The following TOGARAM1 variants were observed in gnomAD, a reference collection of about 807,000 sequenced individuals.
TOGARAM1 encodes TOG array regulator of axonemal microtubules protein 1.
TOGARAM1 carries 100 observed loss-of-function variants against 166.6 expected under a neutral mutation model. The observed-to-expected ratio is 0.60, with a 90% CI of 0.51 to 0.71. The LOEUF (loss-of-function observed/expected upper bound fraction) is 0.71, where lower values mean the gene tolerates loss of function less well. TOGARAM1 is among the 30% of genes least tolerant of loss of function. TOGARAM1 has a pLI of 0.00. For synonymous variants in TOGARAM1, 758 were observed against 763.8 expected, an observed-to-expected ratio of 0.99 and a Z score of 0.13; for missense variants, 2,029 against 2,102.7, an observed-to-expected ratio of 0.96 and a Z score of 0.69.
intron 4 of TOGARAM1, 115 bp from the exon 5 acceptor site, chr14:45,005,893 C>G (rs1371478606): frequency 1.3e-6 from 1 of 785,056 alleles, no homozygotes; most frequent in Non-Finnish European, 1.9e-6. Flanking sequence ...CCCCAGTGAC[C>G]AGCTATAATG....
chr14:45,047,104 G>T (rs1460181959), intron 14 of TOGARAM1, among the ~76,000 whole-genome samples: 4 of 152,114 alleles, frequency 2.6e-5, no homozygotes, highest in East Asian at 1.9e-4. Context: ...AAAAATACAG[G>T]AATAAGGCGG....
chr14:44,971,080 G>A (rs990614288), intron 1 of TOGARAM1, among the ~76,000 whole-genome samples: 1 of 152,032 alleles, frequency 6.6e-6, no homozygotes, highest in Non-Finnish European at 1.5e-5. Flanking sequence ...TTTAGAATGA[G>A]TCAGAAAGTA....
chr14:45,012,399 G>A (rs531706859), intron 7 of TOGARAM1, among the ~76,000 whole-genome samples: 2 of 152,264 alleles, frequency 1.3e-5, no homozygotes, highest in African/African-American at 4.8e-5. Context: ...CTCCTCAGAT[G>A]ATTCTAATGT....
intron 18 of TOGARAM1, among the ~76,000 whole-genome samples, chr14:45,069,578 G>A (rs992584030): frequency 6.6e-6 from 1 of 152,146 alleles, no homozygotes; most frequent in South Asian, 2.1e-4. Context: ...TGGCAAATAA[G>A]GGAGGATGTG....
chr14:45,017,860 G>T (rs1185030495), intron 7 of TOGARAM1, among the ~76,000 whole-genome samples: 2 of 143,608 alleles, frequency 1.4e-5, no homozygotes, highest in Non-Finnish European at 3.0e-5. Flanking sequence ...ACTCCTGGGT[G>T]ACAAGTGAAA....
chr14:45,031,485 C>T (rs1049439334), intron 10 of TOGARAM1, among the ~76,000 whole-genome samples: 5 of 152,114 alleles, frequency 3.3e-5, no homozygotes, highest in East Asian at 1.9e-4. Context: ...AATTCTATAT[C>T]GATAGAGAAA....
rs776212100 is a variant in TOGARAM1 at position 45,004,044 on chromosome 14, C to G, written c.2339-17C>G. The G allele has an allele frequency of 6.3e-7, 1 of 1,590,328 alleles. No individual in the cohort carries two copies. Among genetic ancestry groups the G allele is most frequent in the South Asian group, 1.1e-5 (1 of 88,132 alleles). ...TGTGTATACATAAATAATATATTAT[C>G]TTTTGTTTTATTACAGTGTATGCTA... On this transcript the variant is annotated splice_polypyrimidine_tract_variant and intron_variant, in intron 3 of 19. Coordinates refer to ENST00000361462, the MANE Select transcript of TOGARAM1 (RefSeq NM_001308120.2).
chr14:45,069,713 A>G (rs1883293882), intron 18 of TOGARAM1, among the ~76,000 whole-genome samples: 1 of 152,206 alleles, frequency 6.6e-6, no homozygotes, highest in Non-Finnish European at 1.5e-5. Flanking sequence ...AATAGTGACA[A>G]TACAAAATGC....
chr14:45,063,730 G>A (rs572542453), intron 16 of TOGARAM1, among the ~76,000 whole-genome samples: 33 of 152,058 alleles, frequency 2.2e-4, no homozygotes, highest in Non-Finnish European at 4.0e-4. Flanking sequence ...CACCCACCTC[G>A]GCCTCCCAAA....
At position 44,962,229 on chromosome 14, in the gene TOGARAM1, T is replaced by C. The variant is rs1594592594; in HGVS notation, c.-193T>C. 62 of 582,356 alleles carry C rather than the reference T, an allele frequency of 1.1e-4. No individual in the cohort carries two copies. The East Asian group carries it at 1.9e-3, about 17-fold the overall frequency. 36.1% of individuals were successfully genotyped at this position (582,356 alleles called of 1,614,324 possible). On this transcript the variant is annotated 5_prime_UTR_variant, in exon 1 of 20. Transcript: ENST00000361462. ...GTTACGCCCGGTGGCAGCTGTGGGG[T>C]CTAGGGCTCAGACGGGGGCCATTTT...
chr14:45,013,796 A>T (rs187274450), intron 7 of TOGARAM1, among the ~76,000 whole-genome samples: 1 of 152,290 alleles, frequency 6.6e-6, no homozygotes, highest in Non-Finnish European at 1.5e-5. Flanking sequence ...TAATTTTTCA[A>T]GTATTTCTGT....
Position 44,962,813 on chromosome 14 carries a change from G to A in TOGARAM1, c.392G>A (p.Arg131Gln). The A allele has an allele frequency of 6.2e-7, 1 of 1,612,668 alleles. No homozygotes were observed. Among genetic ancestry groups the A allele is most frequent in the Non-Finnish European group, 8.5e-7 (1 of 1,179,994 alleles). Reference protein sequence around the residue: ...PRRGGRLGFPRRKEALYRALG... With the variant: ...PRRGGRLGFPQRKEALYRALG... ...CGGGGCGGTCGACTTGGCTTCCCCC[G>A]ACGCAAGGAAGCTTTGTATCGGGCA... The change falls in exon 1 of 20, where the codon CGA becomes CAA. Residue 131 changes from arginine to glutamine, a missense_variant. Physicochemically the swap from Arg to Gln is conservative, Grantham distance 43. Coordinates refer to ENST00000361462, the MANE Select transcript of TOGARAM1 (RefSeq NM_001308120.2).
rs764620129 is a variant in TOGARAM1, at chr14:44,962,572, C to T, written c.151C>T (p.Arg51Cys). The change falls in exon 1 of 20, where the codon CGT becomes TGT. Residue 51 changes from arginine to cysteine, a missense_variant. Physicochemically the swap from Arg to Cys is radical, Grantham distance 180 (BLOSUM62 -3). This residue lies in a region of TOGARAM1 where 1,453 missense variants were observed against 1,432.2 expected (regional missense o/e 1.01). Transcript: ENST00000361462. ...IMRGEKNYYF[R>C]GAAGDHGSCP... ...GAGAGGAGAGAAAAACTACTACTTC[C>T]GTGGAGCTGCGGGGGACCACGGTTC... The T allele has an allele frequency of 2.8e-5, 45 of 1,613,818 alleles. No individual in the cohort carries two copies. Among genetic ancestry groups the T allele is most frequent in the South Asian group, 2.4e-4 (22 of 91,050 alleles).
intron 2 of TOGARAM1, among the ~76,000 whole-genome samples, chr14:44,998,930 G>T (rs951036614): frequency 6.6e-6 from 1 of 152,124 alleles, no homozygotes; most frequent in Non-Finnish European, 1.5e-5. Flanking sequence ...AAATAAAAGA[G>T]GTTGCAGCGG....
At chr14:45,067,153 T>C (rs1883175660) in intron 17 of TOGARAM1, among the ~76,000 whole-genome samples, 1 of 151,942 alleles carries the variant, frequency 6.6e-6, no homozygotes, top group South Asian at 2.1e-4. Context: ...ATTTTCTAGG[T>C]TTTTCTAGGT....
intron 11 of TOGARAM1, among the ~76,000 whole-genome samples, chr14:45,034,850 C>G (rs1881342650): frequency 6.6e-6 from 1 of 151,946 alleles, no homozygotes; most frequent in Admixed American, 6.6e-5. Context: ...TGCAGAGAAG[C>G]AGGAAAATAT....
chr14:45,004,509 AGT>A (rs1887855270), intron 4 of TOGARAM1, 143 bp downstream of exon 4: 3 of 644,940 alleles, frequency 4.7e-6, no homozygotes, highest in Admixed American at 3.0e-5. Context: ...AATATTTAAT[AGT>A]GTGTTAAATA....
In TOGARAM1 at chr14:44,963,062, T is replaced by A. The variant is rs1400411067; in HGVS notation, c.641T>A (p.Val214Glu). 6.2e-7 allele frequency: 1 copy of A among 1,613,902 alleles called. No individual in the cohort carries two copies. The highest frequency in any genetic ancestry group is 8.5e-7 in the Non-Finnish European group (1 of 1,180,004). ...HICLKRSPGE[V>E]LRTLIQQGLE... ...TGTCTGAAACGTAGTCCTGGAGAGG[T>A]GCTGAGAACGCTTATACAACAAGGA... The change falls in exon 1 of 20, where the codon GTG becomes GAG. Residue 214 changes from valine to glutamate, a missense_variant. Val to Glu is a moderately radical substitution (Grantham distance 121, BLOSUM62 -2). Coordinates refer to ENST00000361462, the MANE Select transcript of TOGARAM1 (RefSeq NM_001308120.2).
chr14:45,004,401 T>C, intron 4 of TOGARAM1, 35 bp downstream of exon 4: 1 of 1,575,954 alleles, frequency 6.3e-7, no homozygotes, highest in Non-Finnish European at 8.7e-7. Flanking sequence ...TTTATTTGTG[T>C]TTGAATTAGT....
Sources: allele counts gnomAD v4.1 joint callset (sites outside exome capture counted in the v4.1 genomes callset), GRCh38; gene constraint gnomAD v4.1.1; regional missense constraint gnomAD v4.1.1; transcripts MANE v1.5; gene names NCBI Gene and HGNC (gene_info 2026-07-23, HGNC 2026-07-21).